Variants in HERC1 observed in about 807,000 individuals in gnomAD.
The protein encoded by HERC1 is HECT and RLD domain containing E3 ubiquitin protein ligase family member 1.
HERC1 carries 160 observed loss-of-function variants against 554.3 expected under a neutral mutation model. The ratio of observed to expected loss-of-function variants is 0.29; its 90% CI spans 0.25 to 0.33. HERC1 has a LOEUF of 0.33. Among genes scored for constraint, HERC1 ranks in the 10% least tolerant of loss-of-function variants. The pLI, the probability that HERC1 is intolerant of heterozygous loss-of-function variation, is 1.00. For synonymous variants in HERC1, 2,175 were observed against 2,131.7 expected, an observed-to-expected ratio of 1.02 and a Z score of -0.56; for missense variants, 4,919 against 5,918.5, an observed-to-expected ratio of 0.83 and a Z score of 5.54.
intron 3 of HERC1, 65 bp downstream of exon 3, chr15:63,764,031 G>C: frequency 1.0e-6 from 1 of 960,276 alleles, no homozygotes. Context: ...ATTTTTAAGG[G>C]ATAAATACAT....
intron 19 of HERC1, among the ~76,000 whole-genome samples, chr15:63,719,219 A>G (rs2073700866): frequency 2.0e-5 from 3 of 152,242 alleles, no homozygotes. Context: ...GGAGTACTGT[A>G]TATGTGGGAT....
At chr15:63,641,704 C>A in intron 59 of HERC1, 61 bp from the exon 60 acceptor site, 1 of 1,353,752 alleles carries the variant, frequency 7.4e-7, no homozygotes, top group Non-Finnish European at 9.9e-7. Flanking sequence ...AATGCTATCA[C>A]CATTTAATCT....
At chr15:63,636,184 A>G in intron 64 of HERC1, 42 bp from the exon 65 acceptor site, 1 of 1,571,384 alleles carries the variant, frequency 6.4e-7, no homozygotes, top group East Asian at 2.3e-5. Flanking sequence ...CTGGATGTTA[A>G]AACTCTCCTC....
intron 38 of HERC1, 55 bp downstream of exon 38, chr15:63,674,278 CTGACAATTA>C: frequency 7.2e-7 from 1 of 1,397,880 alleles, no homozygotes; most frequent in Non-Finnish European, 9.6e-7. Context: ...TGTATCACTT[CTGACAATTA>C]TGAAAATAAT....
chr15:63,664,524 C>T lies in HERC1; in HGVS notation c.8626G>A (p.Val2876Ile), dbSNP rs773703056. The stretch of plus-strand genomic sequence containing the variant: ...AAGTCAAACTTGTGTCTTCTTGTTA[C>T]CGCTGAGCGACCTCTAGCTGATGGT... Reference protein sequence around the residue: ...SGPSARGRSAVTRRHKFDLAA... With the variant: ...SGPSARGRSAITRRHKFDLAA... The change falls in exon 43 of 78, where the codon GTA becomes ATA. Residue 2876 changes from valine to isoleucine, a missense_variant. By Grantham distance (29) the Val-to-Ile change is conservative (BLOSUM62 3). This residue lies in a region of HERC1 where 1,963 missense variants were observed against 2,228.6 expected (regional missense o/e 0.88). Coordinates refer to ENST00000443617, the MANE Select transcript of HERC1 (RefSeq NM_003922.4). 14 of 1,613,588 alleles carry T rather than the reference C, an allele frequency of 8.7e-6. No individual in the cohort carries two copies. The African/African-American group carries it at 1.6e-4, about 18-fold the overall frequency.
chr15:63,696,113 G>A lies in HERC1; in HGVS notation c.5121+11C>T, dbSNP rs2072399216. On this transcript the variant is annotated intron_variant, in intron 27 of 77. Transcript: ENST00000443617. Reference sequence around the variant, plus strand: ...AGTTAAAATCTGTATATACTGCAAGGTGTCACCTACCTGATAGTGATGCAA... The same window carrying A: ...AGTTAAAATCTGTATATACTGCAAGATGTCACCTACCTGATAGTGATGCAA... 1 of 1,581,770 alleles carries A rather than the reference G, an allele frequency of 6.3e-7. No homozygotes were observed. The highest frequency in any genetic ancestry group is 8.7e-7 in the Non-Finnish European group (1 of 1,152,324).
At chr15:63,701,067 G>C in intron 25 of HERC1, among the ~76,000 whole-genome samples, 1 of 151,782 alleles carries the variant, frequency 6.6e-6, no homozygotes, top group Non-Finnish European at 1.5e-5. Flanking sequence ...AGAATAAAAG[G>C]TTCTTCTAGT....
At chr15:63,668,146 T>C (rs2152955287) in intron 40 of HERC1, among the ~76,000 whole-genome samples, 1 of 151,636 alleles carries the variant, frequency 6.6e-6, no homozygotes, top group African/African-American at 2.4e-5. Flanking sequence ...AAAAAACAGG[T>C]GGAACAAAAT....
chr15:63,742,777 T>G (rs536380111), intron 12 of HERC1, among the ~76,000 whole-genome samples: 76 of 152,308 alleles, frequency 5.0e-4, no homozygotes, highest in African/African-American at 1.8e-3. Flanking sequence ...TGATTGATTT[T>G]CATACTTTGA....
chr15:63,826,802 AAAAAAAAAAAAAATATATAT>A lies in HERC1; in HGVS notation c.-27+7005_-27+7024del, dbSNP rs1435285074. Among the ~76,000 whole-genome samples the A allele has an allele frequency of 7.0e-5, 4 of 57,100 alleles. No individual in the cohort carries two copies. The South Asian group carries it at 1.4e-3, about 20-fold the overall frequency. 37.5% of individuals were successfully genotyped at this position (57,100 alleles called of 152,430 possible). On this transcript the variant is annotated intron_variant, in intron 1 of 77. Transcript: ENST00000443617. ...TCTCTGGTAAAAAAAAAAAAAAAAA[AAAAAAAAAAAAAATATATAT>A]ATATATATATATATATATATAAAGT...
intron 50 of HERC1, among the ~76,000 whole-genome samples, chr15:63,654,734 T>C (rs957299372): frequency 2.0e-5 from 3 of 150,766 alleles, no homozygotes; most frequent in Non-Finnish European, 4.4e-5. Flanking sequence ...CATGGTATGG[T>C]GGCACGTGCC....
intron 46 of HERC1, 32 bp downstream of exon 46, chr15:63,660,941 T>C (rs565986847): frequency 9.8e-5 from 131 of 1,339,152 alleles, no homozygotes; most frequent in African/African-American, 8.2e-4. Context: ...TAAAAAAACA[T>C]GTAAAATAAA....
In HERC1 at chr15:63,640,389, A is replaced by C. The variant is rs1418136387; in HGVS notation, c.11664T>G (p.Ala3888=). 8 of 1,613,788 alleles carry C rather than the reference A, an allele frequency of 5.0e-6. No individual in the cohort carries two copies. In the African/African-American group the frequency reaches 1.1e-4, roughly 22 times the overall value. The change falls in exon 61 of 78, where the codon GCT becomes GCG. Residue 3888 remains alanine (A), a synonymous_variant. Transcript: ENST00000443617. ...LVHSPYMQCL[A]SLAVGLHLDQ... is the part of the protein sequence containing the mutation. ...CCAGATGAAGTCCCACAGCAAGGGA[A>C]GCCAAGCATTGCATATAGGGGCTAT...
chr15:63,732,438 A>G (rs79907206), intron 14 of HERC1, among the ~76,000 whole-genome samples: 4,604 of 152,320 alleles, frequency 0.03, 220 homozygotes, highest in African/African-American at 0.1. Flanking sequence ...TTAGCACTGA[A>G]TCATAATGAT....
rs186704086 is a variant in HERC1 at position 63,690,414 on chromosome 15, C to T, written c.5937+127G>A. 4 of 616,960 alleles carry T rather than the reference C, an allele frequency of 6.5e-6. No homozygotes were observed. The East Asian group carries it at 8.9e-5, about 14-fold the overall frequency. The allele number at this position is 616,960 out of a possible 1,614,324, so 38.2% of individuals were successfully genotyped here. A position where few individuals can be genotyped will look rare whatever the true frequency, so the allele number is the denominator to read the frequency against. ...GGGTGAAATAATAAAGAAAGCAGTC[C>T]TAAAAGTAAACGTTATGCTATTGAA... On this transcript the variant is annotated intron_variant, in intron 32 of 77. Coordinates refer to ENST00000443617, the MANE Select transcript of HERC1 (RefSeq NM_003922.4).
At chr15:63,735,504 G>A (rs184752220) in intron 12 of HERC1, among the ~76,000 whole-genome samples, 59 of 150,838 alleles carry the variant, frequency 3.9e-4, no homozygotes, top group African/African-American at 1.1e-3. Context: ...TGTAACTAAC[G>A]TGCACATTGT....
intron 30 of HERC1, among the ~76,000 whole-genome samples, chr15:63,693,601 G>C (rs1350400180): frequency 2.7e-5 from 4 of 147,004 alleles, no homozygotes; most frequent in Admixed American, 6.7e-5. Context: ...ATCAAGGTTA[G>C]AGATGGCTTG....
Position 63,649,895 on chromosome 15 carries a change from T to C in HERC1, c.10577A>G (p.His3526Arg). 6.2e-7 allele frequency: 1 copy of C among 1,610,364 alleles called. No homozygotes were observed. Among genetic ancestry groups the C allele is most frequent in the Non-Finnish European group, 8.5e-7 (1 of 1,178,196 alleles). Residue 3526 changes from histidine to arginine, a missense_variant, in exon 54 of 78, where the codon CAT becomes CGT. Physicochemically the swap from His to Arg is conservative, Grantham distance 29. Around this residue, in one of 11 missense-constraint regions of HERC1, gnomAD observed 1,963 missense variants for 2,228.6 expected, o/e 0.88. Coordinates refer to ENST00000443617, the MANE Select transcript of HERC1 (RefSeq NM_003922.4). ...TGGCCAAGCCAGGGCAGATACCCAA[T>C]GAGGCTGAATATCTACTAATCCTTT... ...GGKGLVDIQP[H>R]WVSALAWPEE... is the part of the protein sequence containing the mutation.
chr15:63,616,837 T>C, intron 74 of HERC1, 155 bp from the exon 75 acceptor site: 1 of 683,704 alleles, frequency 1.5e-6, no homozygotes. Context: ...AAACTAAAAA[T>C]TCAGTTCTTC....
Sources: gnomAD v4.1 joint callset for allele counts (sites outside exome capture counted in the v4.1 genomes callset) on GRCh38, gnomAD v4.1.1 for gene constraint, gnomAD v4.1.1 regional missense constraint, MANE v1.5 for transcripts, NCBI Gene and HGNC (gene_info 2026-07-23, HGNC 2026-07-21) for gene names.